Variants in CACNA1E observed in about 807,000 individuals in gnomAD.
CACNA1E encodes calcium voltage-gated channel subunit alpha1 E.
In CACNA1E, 40 loss-of-function variants were observed where a neutral mutation model predicts 259.2. The observed-to-expected ratio is 0.15, with a 90% CI of 0.12 to 0.20. The LOEUF is 0.20. Among genes scored for constraint, CACNA1E ranks in the 10% least tolerant of loss-of-function variants. The probability of loss-of-function intolerance (pLI) is 1.00; values close to 1 mark genes in which losing one functional copy is unlikely to be tolerated. For synonymous variants in CACNA1E, 1,104 were observed against 1,138.5 expected (o/e 0.97, Z 0.61); for missense variants, 1,874 against 3,040.1 (o/e 0.62, Z 9.02).
At chr1:181,712,939 T>A (rs1653526438) in intron 8 of CACNA1E, among the ~76,000 whole-genome samples, 1 of 152,206 alleles carries the variant, frequency 6.6e-6, no homozygotes, top group African/African-American at 2.4e-5. Flanking sequence ...ATTCCAAGGC[T>A]TCCCTTTCTT....
At chr1:181,551,107 G>A (rs771001272) in intron 3 of CACNA1E, among the ~76,000 whole-genome samples, 12 of 152,118 alleles carry the variant, frequency 7.9e-5, no homozygotes, top group Non-Finnish European at 2.9e-5. Flanking sequence ...CCAGTGGCTC[G>A]TTCTCCTGTG....
chr1:181,724,004 A>G (rs1654653023), intron 16 of CACNA1E, among the ~76,000 whole-genome samples: 1 of 152,108 alleles, frequency 6.6e-6, no homozygotes, highest in African/African-American at 2.4e-5. Context: ...ACCCCTCCCC[A>G]GGGGTTGTGG....
chr1:181,649,467 C>A (rs2102051680), intron 6 of CACNA1E, among the ~76,000 whole-genome samples: 1 of 151,722 alleles, frequency 6.6e-6, no homozygotes, highest in Middle Eastern at 3.5e-3. Context: ...CAAAACAGAA[C>A]TAGCATTCAA....
At chr1:181,692,014 A>G (rs552381639) in intron 7 of CACNA1E, among the ~76,000 whole-genome samples, 1 of 152,296 alleles carries the variant, frequency 6.6e-6, no homozygotes, top group South Asian at 2.1e-4. Context: ...ATTTCTATAC[A>G]TCAGTAGTGT....
At chr1:181,395,492 A>G (rs1438903041) in intron 1 of CACNA1E, among the ~76,000 whole-genome samples, 3 of 152,236 alleles carry the variant, frequency 2.0e-5, no homozygotes, top group South Asian at 4.1e-4. Flanking sequence ...GACAACATAT[A>G]TGGTAATTCA....
intron 7 of CACNA1E, among the ~76,000 whole-genome samples, chr1:181,669,860 C>T (rs960784964): frequency 2.0e-5 from 3 of 152,152 alleles, no homozygotes; most frequent in Non-Finnish European, 2.9e-5. Context: ...GTGTGCCACT[C>T]CAAGAACGTC....
chr1:181,386,333 G>C (rs1332003381), intron 1 of CACNA1E, among the ~76,000 whole-genome samples: 1 of 152,242 alleles, frequency 6.6e-6, no homozygotes, highest in Non-Finnish European at 1.5e-5. Context: ...GTTCCAGCTA[G>C]CTGCTGAAGG....
At position 181,383,963 on chromosome 1, in the gene CACNA1E, T is replaced by G. The variant is rs75767964; in HGVS notation, c.-14-29170T>G. ...CAGAACTTTCCACGGTGATGCAACTTTCCATGCCTCTGCTATCCACTATGA... is the reference window on the plus strand; with the variant it reads ...CAGAACTTTCCACGGTGATGCAACTGTCCATGCCTCTGCTATCCACTATGA... On this transcript the variant is annotated intron_variant, in intron 1 of 11. Transcript: ENST00000524607. Among the ~76,000 whole-genome samples the G allele has an allele frequency of 7.5e-4, 114 of 152,344 alleles. 2 individuals are homozygous for G. Among genetic ancestry groups the G allele is most frequent in the Non-Finnish European group, 1.4e-3 (97 of 68,020 alleles).
At chr1:181,370,223 C>T (rs1654582691) in intron 1 of CACNA1E, among the ~76,000 whole-genome samples, 1 of 151,516 alleles carries the variant, frequency 6.6e-6, no homozygotes, top group Non-Finnish European at 1.5e-5. Flanking sequence ...AGAAAATCAT[C>T]TCATGTTCCA....
intron 40 of CACNA1E, 116 bp downstream of exon 40, chr1:181,783,900 A>G (rs1660639471): frequency 4.7e-6 from 3 of 639,778 alleles, no homozygotes; most frequent in South Asian, 4.3e-5. Flanking sequence ...ACAATAATGC[A>G]GTCATCTGAA....
intron 1 of CACNA1E, among the ~76,000 whole-genome samples, chr1:181,334,313 A>C (rs892331273): frequency 3.3e-5 from 5 of 152,196 alleles, no homozygotes; most frequent in Non-Finnish European, 7.3e-5. Flanking sequence ...TGCAGTCCTA[A>C]GGCCTCTTCT....
intron 1 of CACNA1E, among the ~76,000 whole-genome samples, chr1:181,360,299 C>T (rs190637020): frequency 1.3e-5 from 2 of 152,288 alleles, no homozygotes; most frequent in East Asian, 3.9e-4. Flanking sequence ...CTGGTACATG[C>T]CTGTTCATAG....
At chr1:181,764,784 CTT>C (rs201508868) in intron 34 of CACNA1E, among the ~76,000 whole-genome samples, 2 of 148,352 alleles carry the variant, frequency 1.3e-5, no homozygotes, top group South Asian at 2.1e-4. Flanking sequence ...CTTTTAAAAC[CTT>C]TTTTTTTTAG....
intron 7 of CACNA1E, among the ~76,000 whole-genome samples, chr1:181,672,581 G>A (rs1418926967): frequency 6.6e-6 from 1 of 152,162 alleles, no homozygotes; most frequent in African/African-American, 2.4e-5. Flanking sequence ...AGGGAACCTC[G>A]AGGCCAAGGC....
At chr1:181,466,881 G>A (rs1290708403) in intron 2 of CACNA1E, among the ~76,000 whole-genome samples, 1 of 152,150 alleles carries the variant, frequency 6.6e-6, no homozygotes, top group East Asian at 1.9e-4. Flanking sequence ...AATAAAATAG[G>A]AAAGCATAAA....
chr1:181,350,201 T>G (rs532606487), intron 1 of CACNA1E, among the ~76,000 whole-genome samples: 1 of 152,232 alleles, frequency 6.6e-6, no homozygotes, highest in African/African-American at 2.4e-5. Context: ...TTCTCCATTT[T>G]AATTTTGGGA....
intron 7 of CACNA1E, among the ~76,000 whole-genome samples, chr1:181,694,115 GAA>G (rs1364387796): frequency 6.6e-6 from 1 of 152,144 alleles, no homozygotes; most frequent in Non-Finnish European, 1.5e-5. Context: ...AAATTTCCTT[GAA>G]AATATTATTA....
At chr1:181,435,793 A>G (rs192022252) in intron 2 of CACNA1E, among the ~76,000 whole-genome samples, 1 of 152,314 alleles carries the variant, frequency 6.6e-6, no homozygotes, top group East Asian at 1.9e-4. Context: ...TTTTCAGCTT[A>G]ATGATATTTC....
chr1:181,615,586 A>G (rs1286600598), intron 6 of CACNA1E, among the ~76,000 whole-genome samples: 2 of 152,234 alleles, frequency 1.3e-5, no homozygotes, highest in Non-Finnish European at 2.9e-5. Context: ...AAATATACAC[A>G]TTAATTTAGC....
Sources: gnomAD v4.1 joint callset for allele counts (sites outside exome capture counted in the v4.1 genomes callset) on GRCh38, gnomAD v4.1.1 for gene constraint, MANE v1.5 for transcripts, NCBI Gene and HGNC (gene_info 2026-07-23, HGNC 2026-07-21) for gene names.